Variants in DHX15 observed in about 807,000 individuals in gnomAD.
DHX15 encodes DEAH-box helicase 15.
Under a neutral mutation model 94.4 loss-of-function variants are expected in DHX15, and 11 were observed. That is an observed-to-expected ratio of 0.12 (90% confidence interval 0.07 to 0.19). The LOEUF (loss-of-function observed/expected upper bound fraction) is 0.19. Among genes scored for constraint, DHX15 ranks in the 10% least tolerant of loss-of-function variants. The pLI is 1.00. For synonymous variants in DHX15, 338 were observed against 329.9 expected, an observed-to-expected ratio of 1.02 and a Z score of -0.27; for missense variants, 304 against 988.5, an observed-to-expected ratio of 0.31 and a Z score of 9.29.
At chr4:24,560,084 G>A (rs1020481039) in intron 3 of DHX15, among the ~76,000 whole-genome samples, 10 of 152,192 alleles carry the variant, frequency 6.6e-5, no homozygotes, top group African/African-American at 1.4e-4. Context: ...TGTAGATGGC[G>A]TAGTATAACT....
chr4:24,556,170 G>T, intron 4 of DHX15, 81 bp downstream of exon 4: 1 of 1,127,934 alleles, frequency 8.9e-7, no homozygotes, highest in Non-Finnish European at 1.2e-6. Flanking sequence ...CTTACAGTTG[G>T]TTATTGATCA....
At chr4:24,533,083 A>G (rs539137239) in intron 11 of DHX15, 29 bp from the exon 12 acceptor site, 1 of 1,587,252 alleles carries the variant, frequency 6.3e-7, no homozygotes, top group Non-Finnish European at 8.7e-7. Context: ...GGGAGAAAAG[A>G]AGGCACCATG....
intron 6 of DHX15, among the ~76,000 whole-genome samples, chr4:24,546,204 C>A (rs551820490): frequency 6.6e-6 from 1 of 152,296 alleles, no homozygotes; most frequent in Admixed American, 6.5e-5. Context: ...CCCAGCAGCA[C>A]CACAGTAAGC....
At chr4:24,545,511 T>C (rs372065305) in intron 6 of DHX15, among the ~76,000 whole-genome samples, 5 of 152,290 alleles carry the variant, frequency 3.3e-5, no homozygotes, top group Non-Finnish European at 4.4e-5. Context: ...TAAGAGCCTA[T>C]TGCCAGCCAA....
chr4:24,555,663 T>C (rs1248066501), intron 4 of DHX15, among the ~76,000 whole-genome samples: 2 of 152,140 alleles, frequency 1.3e-5, no homozygotes, highest in Non-Finnish European at 2.9e-5. Flanking sequence ...TTCCAATGAA[T>C]AGTATACACA....
chr4:24,552,061 T>C (rs1721620494), intron 5 of DHX15, among the ~76,000 whole-genome samples: 1 of 152,184 alleles, frequency 6.6e-6, no homozygotes, highest in South Asian at 2.1e-4. Context: ...GCTTTAAAAC[T>C]TGCAATAAAA....
At chr4:24,534,296 A>T (rs1351703233) in intron 11 of DHX15, 1 of 152,178 alleles carries the variant, frequency 6.6e-6, no homozygotes, top group Non-Finnish European at 1.5e-5. Context: ...AAAATGCCCA[A>T]GCTGGACAAT....
intron 1 of DHX15, among the ~76,000 whole-genome samples, chr4:24,581,124 G>A (rs754932746): frequency 1.3e-5 from 2 of 151,184 alleles, no homozygotes; most frequent in Admixed American, 6.6e-5. Context: ...TCCGCCTCCC[G>A]GGTTCATACC....
Position 24,537,026 on chromosome 4 carries a change from T to G in DHX15, c.1909+25A>C. 1 of 1,607,342 alleles carries G rather than the reference T, an allele frequency of 6.2e-7. No individual in the cohort carries two copies. Among genetic ancestry groups the G allele is most frequent in the South Asian group, 1.1e-5 (1 of 90,128 alleles). On this transcript the variant is annotated intron_variant, in intron 11 of 13. Coordinates refer to ENST00000336812, the MANE Select transcript of DHX15 (RefSeq NM_001358.3). The surrounding 1 kb of genome is among the most constrained non-coding windows in gnomAD (Gnocchi z 4.7). ...ACTGCAAGTGACATTTAGACAAGAG[T>G]GTCTCCAATCAAATTTACACTTACT...
At chr4:24,558,185 G>T (rs1721783342) in intron 3 of DHX15, among the ~76,000 whole-genome samples, 1 of 152,098 alleles carries the variant, frequency 6.6e-6, no homozygotes, top group Admixed American at 6.5e-5. Context: ...ATTATTTGAG[G>T]TGAAAATATG....
At chr4:24,548,283 C>T (rs187013377) in intron 6 of DHX15, among the ~76,000 whole-genome samples, 1 of 151,764 alleles carries the variant, frequency 6.6e-6, no homozygotes, top group Non-Finnish European at 1.5e-5. Context: ...GCTGGAATTA[C>T]AGGCACGCGC....
At chr4:24,540,021 T>A in intron 10 of DHX15, 87 bp downstream of exon 10, 2 of 953,396 alleles carry the variant, frequency 2.1e-6, no homozygotes, top group Non-Finnish European at 3.0e-6. Context: ...TCCACTATCA[T>A]ACTAAAAATT....
In DHX15 at chr4:24,584,420, T is replaced by G; in HGVS notation, c.-27A>C. On this transcript the variant is annotated 5_prime_UTR_variant, in exon 1 of 14. Coordinates refer to ENST00000336812, the MANE Select transcript of DHX15 (RefSeq NM_001358.3). Reference sequence around the variant, plus strand: ...CTCGCACTCTTCGAACGGGCAGTTATTAAGGAAGAAAGCTGGCTGCTGTAT... The same window carrying G: ...CTCGCACTCTTCGAACGGGCAGTTAGTAAGGAAGAAAGCTGGCTGCTGTAT... The G allele has an allele frequency of 1.2e-6, 2 of 1,606,500 alleles. No individual in the cohort carries two copies. Among genetic ancestry groups the G allele is most frequent in the Non-Finnish European group, 1.7e-6 (2 of 1,176,848 alleles).
At chr4:24,564,584 A>C (rs1009541622) in intron 3 of DHX15, among the ~76,000 whole-genome samples, 1 of 152,308 alleles carries the variant, frequency 6.6e-6, no homozygotes, top group East Asian at 1.9e-4. Context: ...TCCCCTCCCC[A>C]ACCAAGTCAG....
At chr4:24,551,140 G>A (rs1341503869) in intron 5 of DHX15, among the ~76,000 whole-genome samples, 1 of 152,182 alleles carries the variant, frequency 6.6e-6, no homozygotes, top group African/African-American at 2.4e-5. Flanking sequence ...AGCTCTGGGA[G>A]AGGCAAAGGA....
At chr4:24,583,091 A>T (rs1722454433) in intron 1 of DHX15, among the ~76,000 whole-genome samples, 1 of 152,218 alleles carries the variant, frequency 6.6e-6, no homozygotes, top group Admixed American at 6.5e-5. Flanking sequence ...GAAAAATTCA[A>T]AACAGCTATA....
intron 7 of DHX15, 85 bp downstream of exon 7, chr4:24,542,855 A>G: frequency 2.1e-6 from 2 of 973,632 alleles, no homozygotes; most frequent in Non-Finnish European, 3.1e-6. Context: ...AATAATTCTG[A>G]AAGGTAAATT....
intron 3 of DHX15, among the ~76,000 whole-genome samples, chr4:24,567,135 A>AT (rs1722010079): frequency 6.6e-6 from 1 of 152,240 alleles, no homozygotes; most frequent in Admixed American, 6.5e-5. Flanking sequence ...AAAAGGAAGC[A>AT]TATCACCTAA....
chr4:24,559,802 A>T, intron 3 of DHX15, among the ~76,000 whole-genome samples: 1 of 152,180 alleles, frequency 6.6e-6, no homozygotes, highest in East Asian at 1.9e-4. Context: ...TCTCAGATCT[A>T]CTTAATCAGA....
Sources: allele counts gnomAD v4.1 joint callset (sites outside exome capture counted in the v4.1 genomes callset), GRCh38; gene constraint gnomAD v4.1.1; non-coding constraint Gnocchi (gnomAD v3.1); transcripts MANE v1.5; gene names NCBI Gene and HGNC (gene_info 2026-07-23, HGNC 2026-07-21).